The following ARHGAP44 variants were observed in gnomAD, a reference collection of about 807,000 sequenced individuals.
The protein encoded by ARHGAP44 is Rho GTPase activating protein 44, also known as rho GTPase-activating protein 44.
ARHGAP44 carries 43 observed loss-of-function variants against 106.8 expected under a neutral mutation model. The observed-to-expected ratio is 0.40, with a 90% CI of 0.32 to 0.52. The LOEUF is 0.52. ARHGAP44 is among the 20% of genes least tolerant of loss of function. ARHGAP44 has a pLI of 0.48. For synonymous variants in ARHGAP44, 439 were observed against 410.3 expected, an observed-to-expected ratio of 1.07 and a Z score of -0.85; for missense variants, 866 against 1,050.5, an observed-to-expected ratio of 0.82 and a Z score of 2.43.
chr17:12,947,777 T>A (rs1251162011), intron 10 of ARHGAP44, among the ~76,000 whole-genome samples: 1 of 152,218 alleles, frequency 6.6e-6, no homozygotes, highest in African/African-American at 2.4e-5. Flanking sequence ...TCTGAGTGAC[T>A]CCTTTCCTGT....
At chr17:12,842,148 T>TAAAA (rs111785464) in intron 1 of ARHGAP44, among the ~76,000 whole-genome samples, 413 of 142,424 alleles carry the variant, frequency 2.9e-3, no homozygotes, top group African/African-American at 9.6e-3. Flanking sequence ...CCACTGGGTT[T>TAAAA]AAAAAAAAAA....
chr17:12,956,618 T>A (rs767702547), intron 14 of ARHGAP44, 37 bp from the exon 15 acceptor site: 21 of 1,593,560 alleles, frequency 1.3e-5, no homozygotes, highest in Non-Finnish European at 1.7e-5. Flanking sequence ...CCTCAGCTGC[T>A]AACTCCACCC....
intron 1 of ARHGAP44, among the ~76,000 whole-genome samples, chr17:12,810,672 G>C (rs1820850879): frequency 6.6e-6 from 1 of 152,298 alleles, no homozygotes; most frequent in African/African-American, 2.4e-5. Flanking sequence ...GTTGGTGAGA[G>C]CACATTGATG....
At chr17:12,865,278 A>C (rs558588344) in intron 1 of ARHGAP44, among the ~76,000 whole-genome samples, 36 of 152,332 alleles carry the variant, frequency 2.4e-4, no homozygotes, top group African/African-American at 8.2e-4. Context: ...GATGATTTAT[A>C]CAAAAAAAAA....
rs1479482843 is a variant in ARHGAP44, at chr17:12,802,957, A to T, written c.53+13066A>T. ...TATATATATATATATATATATATATATATATATATATATTTTTTTTTTTTT... is the reference window on the plus strand; with the variant it reads ...TATATATATATATATATATATATATTTATATATATATATTTTTTTTTTTTT... On this transcript the variant is annotated intron_variant, in intron 1 of 20. Coordinates refer to ENST00000379672, the MANE Select transcript of ARHGAP44 (RefSeq NM_014859.6). Among the ~76,000 whole-genome samples the T allele has an allele frequency of 2.8e-4, 7 of 25,114 alleles. 1 individual carries two copies. The highest frequency in any genetic ancestry group is 2.7e-3 in the African/African-American group (5 of 1,832). The allele number at this position is 25,114 out of a possible 152,430, so 16.5% of individuals were successfully genotyped here.
At chr17:12,878,285 C>T (rs185680746) in intron 1 of ARHGAP44, among the ~76,000 whole-genome samples, 14 of 151,304 alleles carry the variant, frequency 9.3e-5, no homozygotes, top group Admixed American at 5.9e-4. Context: ...TTTTGGGAAA[C>T]GCTGCCATGA....
rs772966413 is a variant in ARHGAP44, at chr17:12,990,174, T to C, written c.*3T>C. Reference sequence around the variant, plus strand: ...AGTCTGAGAGCACCGCCCTCTGACATGACACCGCCCATCCTGCCTCGCGTG... The same window carrying C: ...AGTCTGAGAGCACCGCCCTCTGACACGACACCGCCCATCCTGCCTCGCGTG... On this transcript the variant is annotated 3_prime_UTR_variant, in exon 21 of 21. Coordinates refer to ENST00000379672, the MANE Select transcript of ARHGAP44 (RefSeq NM_014859.6). 10 of 1,610,860 alleles carry C rather than the reference T, an allele frequency of 6.2e-6. No individual in the cohort carries two copies. In the Admixed American group the frequency reaches 1.5e-4, roughly 24 times the overall value.
At chr17:12,938,201 CATT>C (rs1174269263) in intron 7 of ARHGAP44, among the ~76,000 whole-genome samples, 2 of 151,942 alleles carry the variant, frequency 1.3e-5, no homozygotes, top group East Asian at 3.9e-4. Context: ...GACAAGAAGA[CATT>C]ATAAAATTGA....
intron 10 of ARHGAP44, among the ~76,000 whole-genome samples, chr17:12,944,768 C>A (rs1249831347): frequency 1.3e-5 from 2 of 151,582 alleles, no homozygotes; most frequent in Non-Finnish European, 2.9e-5. Flanking sequence ...GGATTACAGG[C>A]GTGAGCCACT....
chr17:12,946,799 T>TAAAAA (rs3076674), intron 10 of ARHGAP44, among the ~76,000 whole-genome samples: 27 of 148,040 alleles, frequency 1.8e-4, no homozygotes, highest in African/African-American at 2.2e-4. Flanking sequence ...AGACTCTATC[T>TAAAAA]AAAAAAAAAA....
chr17:12,894,333 A>C (rs1271155299), intron 1 of ARHGAP44, among the ~76,000 whole-genome samples: 1 of 148,816 alleles, frequency 6.7e-6, no homozygotes, highest in East Asian at 2.0e-4. Context: ...GAGAGCGTTA[A>C]ATCAGAATGC....
At chr17:12,964,277 G>A (rs2039336925) in intron 16 of ARHGAP44, among the ~76,000 whole-genome samples, 1 of 150,904 alleles carries the variant, frequency 6.6e-6, no homozygotes, top group Non-Finnish European at 1.5e-5. Context: ...AGACTTCCTG[G>A]TCAAATCAAT....
intron 3 of ARHGAP44, among the ~76,000 whole-genome samples, chr17:12,901,223 C>T (rs1432847879): frequency 6.6e-6 from 1 of 152,020 alleles, no homozygotes; most frequent in African/African-American, 2.4e-5. Context: ...CACACCCGGC[C>T]AAGTTTGGCA....
intron 20 of ARHGAP44, chr17:12,987,213 C>T: frequency 7.1e-7 from 1 of 1,401,886 alleles, no homozygotes; most frequent in Non-Finnish European, 9.6e-7. Context: ...CTGCCCGCTC[C>T]TCCCCTCCGC....
intron 1 of ARHGAP44, among the ~76,000 whole-genome samples, chr17:12,802,876 A>G (rs1297911476): frequency 8.1e-6 from 1 of 123,150 alleles, no homozygotes; most frequent in Non-Finnish European, 1.6e-5. Context: ...CTTGTGCCTT[A>G]GCATCCTAAA....
intron 1 of ARHGAP44, among the ~76,000 whole-genome samples, chr17:12,837,211 A>G (rs974944857): frequency 6.6e-6 from 1 of 152,222 alleles, no homozygotes; most frequent in African/African-American, 2.4e-5. Flanking sequence ...CATGTTTTGA[A>G]CTGAATGAAA....
At position 12,949,750 on chromosome 17, in the gene ARHGAP44, G is replaced by C; in HGVS notation, c.1055+20G>C. 6.2e-7 allele frequency: 1 copy of C among 1,604,326 alleles called. No individual in the cohort carries two copies. The highest frequency in any genetic ancestry group is 8.5e-7 in the Non-Finnish European group (1 of 1,171,502). ...TTCCAAGTGAGTACCCCTTGTTTTGGAATGTCCTGTGAGTTACAGTTTATT... is the reference window on the plus strand; with the variant it reads ...TTCCAAGTGAGTACCCCTTGTTTTGCAATGTCCTGTGAGTTACAGTTTATT... On this transcript the variant is annotated intron_variant, in intron 12 of 20. Coordinates refer to ENST00000379672, the MANE Select transcript of ARHGAP44 (RefSeq NM_014859.6). This position sits in a 1 kb window ranked among gnomAD's most constrained non-coding sequence, Gnocchi z 4.1.
chr17:12,842,604 A>T (rs1319876656), intron 1 of ARHGAP44, among the ~76,000 whole-genome samples: 1 of 152,148 alleles, frequency 6.6e-6, no homozygotes, highest in Non-Finnish European at 1.5e-5. Context: ...AGTGTGGCCC[A>T]GTAAATTGCA....
At chr17:12,929,513 G>C (rs2038338627) in intron 7 of ARHGAP44, 2 of 153,778 alleles carry the variant, frequency 1.3e-5, no homozygotes, top group Admixed American at 1.3e-4. Context: ...TGAAATGCTA[G>C]CCATGAAAAG....
Sources: allele counts gnomAD v4.1 joint callset (sites outside exome capture counted in the v4.1 genomes callset), GRCh38; gene constraint gnomAD v4.1.1; non-coding constraint Gnocchi (gnomAD v3.1); transcripts MANE v1.5; gene names NCBI Gene and HGNC (gene_info 2026-07-23, HGNC 2026-07-21).